The following NPC1L1 variants were observed in gnomAD, a reference collection of about 807,000 sequenced individuals.
NPC1L1 encodes the protein NPC1-like intracellular cholesterol transporter 1.
Under a neutral mutation model 117.0 loss-of-function variants are expected in NPC1L1, and 98 were observed. The ratio of observed to expected loss-of-function variants is 0.84; its 90% CI spans 0.71 to 0.99. NPC1L1 has a LOEUF of 0.99. Among genes scored for constraint, NPC1L1 ranks in the 50% least tolerant of loss-of-function variants. NPC1L1 has a pLI of 0.00. For synonymous variants in NPC1L1, 729 were observed against 727.6 expected (o/e 1.00, Z -0.03); for missense variants, 1,540 against 1,710.0 (o/e 0.90, Z 1.75).
intron 10 of NPC1L1, among the ~76,000 whole-genome samples, chr7:44,525,874 T>C (rs1211098360): frequency 6.6e-6 from 1 of 152,224 alleles, no homozygotes; most frequent in Admixed American, 6.5e-5. Flanking sequence ...AGATTGAAAG[T>C]GCTGAAGAAT....
At chr7:44,522,354 T>C in intron 10 of NPC1L1, 112 bp from the exon 11 acceptor site, 6 of 1,000,922 alleles carry the variant, frequency 6.0e-6, no homozygotes, top group African/African-American at 1.6e-5. Context: ...AAAAGGCACA[T>C]GTTCAGAGGT....
chr7:44,517,421 C>T, intron 14 of NPC1L1, 64 bp from the exon 15 acceptor site: 1 of 1,581,122 alleles, frequency 6.3e-7, no homozygotes, highest in Non-Finnish European at 8.6e-7. Context: ...AGGACAACTT[C>T]AGAACACCGC....
At chr7:44,519,808 C>CTTT (rs367934615) in intron 14 of NPC1L1, among the ~76,000 whole-genome samples, 16 of 149,260 alleles carry the variant, frequency 1.1e-4, no homozygotes, top group African/African-American at 3.0e-4. Flanking sequence ...TTACTTTTTT[C>CTTT]TTTCTTTTTT....
Position 44,519,410 on chromosome 7 carries a change from G to A in NPC1L1, c.3136+1355C>T, listed in dbSNP as rs115002555. ...CTGACTGACACATCCACTCCCATCT[G>A]TCCACACCAGCCCCACCACACTGGC... On this transcript the variant is annotated intron_variant, in intron 14 of 18. Coordinates refer to ENST00000381160, the MANE Select transcript of NPC1L1 (RefSeq NM_001101648.2). Among the ~76,000 whole-genome samples, 579 of 152,220 alleles carry A rather than the reference G, an allele frequency of 3.8e-3. 6 individuals carry two copies. The highest frequency in any genetic ancestry group is 0.014 in the African/African-American group (561 of 41,516).
rs1473794531 is a variant in NPC1L1, at chr7:44,539,486, C to T, written c.911G>A (p.Gly304Glu). Residue 304 changes from glycine (G) to glutamate (E), a missense_variant, in exon 2 of 19, where the codon GGA becomes GAA. Around this residue, in one of 3 missense-constraint regions of NPC1L1, gnomAD observed 793 missense variants for 820.4 expected, o/e 0.97. Coordinates refer to ENST00000381160, the MANE Select transcript of NPC1L1 (RefSeq NM_001101648.2). The surrounding 1 kb of genome is among the most constrained non-coding windows in gnomAD (Gnocchi z 4.4). ...GTCCCTGGCGGGGGCCACACGGAAT[C>T]CCACAAGCAGGATGGTGACCACAGC... Reference protein sequence around the residue: ...VFAVVTILLVGFRVAPARDKS... With the variant: ...VFAVVTILLVEFRVAPARDKS... 8 of 1,613,740 alleles carry T rather than the reference C, an allele frequency of 5.0e-6. No individual in the cohort carries two copies. Among genetic ancestry groups the T allele is most frequent in the African/African-American group, 1.3e-5 (1 of 74,924 alleles).
chr7:44,520,820 G>A lies in NPC1L1; in HGVS notation c.3081C>T (p.Gly1027=), dbSNP rs539209049. The change falls in exon 14 of 19, where the codon GGC becomes GGT. Residue 1027 remains glycine, a splice_region_variant and synonymous_variant. Coordinates refer to ENST00000381160, the MANE Select transcript of NPC1L1 (RefSeq NM_001101648.2). The part of the protein sequence containing the change: ...NDRPNIKCPK[G]GLAAYSTSVN... Reference sequence around the variant, plus strand: ...CAGAGGTGCTGTATGCTGCCAGGCCGCTGCAAGAAGGTCAGGGCAAAGGCT... The same window carrying A: ...CAGAGGTGCTGTATGCTGCCAGGCCACTGCAAGAAGGTCAGGGCAAAGGCT... 4.1e-5 allele frequency: 66 copies of A among 1,613,984 alleles called. 1 individual carries two copies. The highest frequency in any genetic ancestry group is 4.0e-4 in the South Asian group (36 of 91,068).
rs959804992 is a variant in NPC1L1 at position 44,541,057 on chromosome 7, G to A, written c.54+149C>T. The A allele has an allele frequency of 5.0e-5, 40 of 801,884 alleles. No homozygotes were observed. In the African/African-American group the frequency reaches 6.7e-4, roughly 13 times the overall value. The allele number at this position is 801,884 out of a possible 1,614,324, so 49.7% of individuals were successfully genotyped here. A position where few individuals can be genotyped will look rare whatever the true frequency, so the allele number is the denominator to read the frequency against. On this transcript the variant is annotated intron_variant, in intron 1 of 18. Transcript: ENST00000381160. The stretch of plus-strand genomic sequence containing the variant: ...CCTGCACCCCTCCTCTGTGGGGCCT[G>A]GCATCCCTCATGTGTCCAGAGACTT...
rs754890101 is a variant in NPC1L1 at position 44,540,353 on chromosome 7, C to G, written c.55-11G>C. Reference sequence around the variant, plus strand: ...AGGCTCACTCTGGGCCTGCAGAGCACAGCAACATCACGCGTGGGCCCTGAC... The same window carrying G: ...AGGCTCACTCTGGGCCTGCAGAGCAGAGCAACATCACGCGTGGGCCCTGAC... On this transcript the variant is annotated splice_polypyrimidine_tract_variant and intron_variant, in intron 1 of 18. Coordinates refer to ENST00000381160, the MANE Select transcript of NPC1L1 (RefSeq NM_001101648.2). 2.0e-5 allele frequency: 32 copies of G among 1,610,108 alleles called. No homozygotes were observed. The highest frequency in any genetic ancestry group is 2.5e-5 in the Non-Finnish European group (29 of 1,179,734).
Position 44,534,390 on chromosome 7 carries a change from G to A in NPC1L1, c.2166+57C>T, listed in dbSNP as rs1033614240. On this transcript the variant is annotated intron_variant, in intron 6 of 18. Coordinates refer to ENST00000381160, the MANE Select transcript of NPC1L1 (RefSeq NM_001101648.2). The surrounding 1 kb of genome is among the most constrained non-coding windows in gnomAD (Gnocchi z 5.2). ...ACGCCAGAGTCCCATCAGGCCAGGAGGTGAGGTTGGGAGAAGAGTGGGCAG... is the reference window on the plus strand; with the variant it reads ...ACGCCAGAGTCCCATCAGGCCAGGAAGTGAGGTTGGGAGAAGAGTGGGCAG... 19 of 1,567,062 alleles carry A rather than the reference G, an allele frequency of 1.2e-5. No individual in the cohort carries two copies. The highest frequency in any genetic ancestry group is 1.7e-5 in the Admixed American group (1 of 59,958).
chr7:44,537,976 C>G (rs771249832), intron 2 of NPC1L1, among the ~76,000 whole-genome samples: 6 of 152,252 alleles, frequency 3.9e-5, no homozygotes, highest in Non-Finnish European at 8.8e-5. Flanking sequence ...TGTCGGCACT[C>G]TCTTCCAATC....
In NPC1L1 at chr7:44,533,741, A is replaced by G. The variant is rs1203990644; in HGVS notation, c.2279T>C (p.Leu760Pro). Residue 760 changes from leucine to proline, a missense_variant and splice_region_variant, in exon 7 of 19, where the codon CTA becomes CCA. Physicochemically the swap from Leu to Pro is moderately conservative, Grantham distance 98. This residue lies in a region of NPC1L1 where 742 missense variants were observed against 873.6 expected (regional missense o/e 0.85). Transcript: ENST00000381160. ...GGGGAGGTCTCACCCAGGCTCACCT[A>G]GGAAGAAGCAGATGGCCTCAGAGAG... ...CSLSEAICFF[L>P]GALTPMPAVR... 1 of 1,613,454 alleles carries G rather than the reference A, an allele frequency of 6.2e-7. No individual in the cohort carries two copies. The highest frequency in any genetic ancestry group is 1.3e-5 in the African/African-American group (1 of 74,928).
chr7:44,525,107 GA>G (rs1801469797), intron 10 of NPC1L1, among the ~76,000 whole-genome samples: 1 of 152,020 alleles, frequency 6.6e-6, no homozygotes, highest in Non-Finnish European at 1.5e-5. Context: ...TGAATTGTAA[GA>G]ATTCCAGAAG....
chr7:44,514,279 T>C (rs969464326), intron 18 of NPC1L1, among the ~76,000 whole-genome samples: 1 of 152,280 alleles, frequency 6.6e-6, no homozygotes, highest in Admixed American at 6.5e-5. Context: ...AGAAACACCT[T>C]CATCCTGGGA....
At chr7:44,526,530 C>A (rs1440305131) in intron 10 of NPC1L1, among the ~76,000 whole-genome samples, 1 of 120,410 alleles carries the variant, frequency 8.3e-6, no homozygotes, top group Non-Finnish European at 1.6e-5. Context: ...ATCTGGGTGA[C>A]AGTGAGACTC....
chr7:44,525,553 G>A, intron 10 of NPC1L1, among the ~76,000 whole-genome samples: 1 of 152,126 alleles, frequency 6.6e-6, no homozygotes, highest in South Asian at 2.1e-4. Context: ...ACTGCACCCA[G>A]CTGGATATTA....
In NPC1L1 at chr7:44,522,187, GC is replaced by G. The variant is rs1478789563; in HGVS notation, c.2692del (p.Ala898ProfsTer19). 1 of 1,613,798 alleles carries G rather than the reference GC, an allele frequency of 6.2e-7. No homozygotes were observed. On this transcript the variant is annotated frameshift_variant, in exon 11 of 19. Coordinates refer to ENST00000381160, the MANE Select transcript of NPC1L1 (RefSeq NM_001101648.2). LOFTEE classifies it high-confidence loss of function. ...CAAGGTGGTAACAAAGTACACCGGG[GC>G]CCCCACCTCGAAGTAGCGGTTCAGA... ...LFLNRYFEVG[A>X]PVYFVTTLGY...
intron 8 of NPC1L1, among the ~76,000 whole-genome samples, chr7:44,533,049 T>G (rs1801752788): frequency 6.6e-6 from 1 of 151,840 alleles, no homozygotes; most frequent in Non-Finnish European, 1.5e-5. Context: ...GAGGTTGTGG[T>G]GAGCTGATAT....
chr7:44,539,970 C>T lies in NPC1L1; in HGVS notation c.427G>A (p.Ala143Thr). The stretch of plus-strand genomic sequence containing the variant: ...GGGAGTTGTCCAGCCCCTAGCTGGG[C>T]CACGCGGGTCACATTGATGAAGAGG... The part of the protein sequence containing the change: ...QSLFINVTRV[A>T]QLGAGQLPAV... The change falls in exon 2 of 19, where the codon GCC (alanine) becomes ACC (threonine). Residue 143 changes from alanine (A) to threonine (T), a missense_variant. Ala to Thr is a moderately conservative substitution (Grantham distance 58). Transcript: ENST00000381160. The surrounding 1 kb of genome is among the most constrained non-coding windows in gnomAD (Gnocchi z 4.4). 1 of 1,614,222 alleles carries T rather than the reference C, an allele frequency of 6.2e-7. No individual in the cohort carries two copies. The highest frequency in any genetic ancestry group is 1.3e-5 in the African/African-American group (1 of 75,062).
intron 14 of NPC1L1, chr7:44,518,617 C>T (rs142301466): frequency 0.012 from 9,157 of 754,956 alleles, 71 homozygotes; most frequent in Non-Finnish European, 0.014. Flanking sequence ...TGCAGTGAGC[C>T]GAGATTGTGC....
Sources: allele counts gnomAD v4.1 joint callset (sites outside exome capture counted in the v4.1 genomes callset), GRCh38; gene constraint gnomAD v4.1.1; regional missense constraint gnomAD v4.1.1; non-coding constraint Gnocchi (gnomAD v3.1); transcripts MANE v1.5; gene names NCBI Gene and HGNC (gene_info 2026-07-23, HGNC 2026-07-21).